Variants in SYCP1 observed in about 807,000 individuals in gnomAD.
SYCP1 encodes cancer/testis antigen 8.
SYCP1 carries 64 observed loss-of-function variants against 153.1 expected under a neutral mutation model. That is an observed-to-expected ratio of 0.42 (90% confidence interval 0.34 to 0.51). The LOEUF (loss-of-function observed/expected upper bound fraction) is 0.51, where lower values mean the gene tolerates loss of function less well. Among genes scored for constraint, SYCP1 ranks in the 20% least tolerant of loss-of-function variants. SYCP1 has a pLI of 0.06. For missense variants in SYCP1, 997 were observed against 1,049.0 expected (o/e 0.95, Z 0.68); for synonymous variants, 384 against 341.8 (o/e 1.12, Z -1.36).
intron 23 of SYCP1, among the ~76,000 whole-genome samples, chr1:114,932,401 A>C (rs1486032939): frequency 6.6e-6 from 1 of 152,228 alleles, no homozygotes; most frequent in African/African-American, 2.4e-5. Context: ...ACTGTAAAAT[A>C]AACTGGTTAA....
chr1:114,992,093 C>T (rs1278248691), intron 30 of SYCP1, among the ~76,000 whole-genome samples: 1 of 151,592 alleles, frequency 6.6e-6, no homozygotes, highest in Non-Finnish European at 1.5e-5. Flanking sequence ...ACAAATCTAA[C>T]CAAGGAAGTA....
intron 8 of SYCP1, among the ~76,000 whole-genome samples, chr1:114,868,650 G>A (rs1429099006): frequency 6.6e-6 from 1 of 152,152 alleles, no homozygotes; most frequent in Non-Finnish European, 1.5e-5. Flanking sequence ...TTAAATGTTT[G>A]TAGAATTCAC....
chr1:114,924,152 C>A (rs1222359156), intron 21 of SYCP1, among the ~76,000 whole-genome samples: 1 of 152,056 alleles, frequency 6.6e-6, no homozygotes, highest in Non-Finnish European at 1.5e-5. Context: ...TTTTATTGAG[C>A]AGGTGACACC....
rs377360670 is a variant in SYCP1 at position 114,914,040 on chromosome 1, A to G, written c.1713A>G (p.Gln571=). ...AAAATCTTCAAGAAACAGAAACCCA[A>G]TTAAGGCAAGACTAACAAATTGGCC... ...QIENLQETET[Q]LRNELEYVRE... Residue 571 remains glutamine (Q), a synonymous_variant, in exon 20 of 32, where the codon CAA becomes CAG. Transcript: ENST00000369522. The G allele has an allele frequency of 2.3e-4, 359 of 1,573,006 alleles. No homozygotes were observed. The highest frequency in any genetic ancestry group is 1.7e-3 in the Middle Eastern group (10 of 5,898).
chr1:114,855,424 C>A lies in SYCP1; in HGVS notation c.-24-17C>A, dbSNP rs1213756903. On this transcript the variant is annotated splice_polypyrimidine_tract_variant and intron_variant, in intron 1 of 31. Transcript: ENST00000369522. The stretch of plus-strand genomic sequence containing the variant: ...AAAAAAAACTTTCCTTCCCCTCCCG[C>A]CCCCCCGGGGCAGTAGATATTTACA... The A allele has an allele frequency of 0.012, 1 of 82 alleles. No homozygotes were observed. The highest frequency in any genetic ancestry group is 0.17 in the Admixed American group (1 of 6). The allele number at this position is 82 out of a possible 1,614,324, so 0.0% of individuals were successfully genotyped here. A position where few individuals can be genotyped will look rare whatever the true frequency, so the allele number is the denominator to read the frequency against.
At chr1:114,908,194 T>G (rs538632160) in intron 16 of SYCP1, among the ~76,000 whole-genome samples, 3 of 152,018 alleles carry the variant, frequency 2.0e-5, no homozygotes, top group Middle Eastern at 3.4e-3. Context: ...TTTTTTTTTT[T>G]TTGTTATAGG....
chr1:114,909,145 A>C (rs945793668), intron 16 of SYCP1, among the ~76,000 whole-genome samples: 5 of 152,132 alleles, frequency 3.3e-5, no homozygotes, highest in Non-Finnish European at 7.4e-5. Flanking sequence ...GTATTCATAC[A>C]TAGAATCAGG....
intron 5 of SYCP1, 51 bp downstream of exon 5, chr1:114,857,548 T>G: frequency 7.8e-7 from 1 of 1,279,430 alleles, no homozygotes; most frequent in Non-Finnish European, 1.1e-6. Flanking sequence ...GAATATAACT[T>G]ATTACCTATA....
intron 8 of SYCP1, chr1:114,863,028 G>A (rs774193159): frequency 7.9e-5 from 12 of 152,140 alleles, no homozygotes; most frequent in African/African-American, 2.7e-4. Context: ...TCTTTATCCA[G>A]TCTGTCATTG....
At chr1:114,857,167 G>GAAAAAAAAAAAGAAAAAAA in intron 3 of SYCP1, 65 bp from the exon 4 acceptor site, 2 of 558,546 alleles carry the variant, frequency 3.6e-6, no homozygotes, top group Admixed American at 4.7e-5. Context: ...AGAGAAAAAA[G>GAAAAAAAAAAAGAAAAAAA]AAAAAAAAAA....
At chr1:114,879,571 G>T (rs1475741706) in intron 12 of SYCP1, among the ~76,000 whole-genome samples, 2 of 152,166 alleles carry the variant, frequency 1.3e-5, no homozygotes, top group African/African-American at 4.8e-5. Context: ...ATTGAGGAGG[G>T]ATTGGGTCTT....
intron 27 of SYCP1, among the ~76,000 whole-genome samples, chr1:114,959,313 C>A (rs1671636281): frequency 6.6e-6 from 1 of 152,062 alleles, no homozygotes; most frequent in Non-Finnish European, 1.5e-5. Context: ...GGCAGAAATT[C>A]TACTTGGTCT....
At chr1:114,953,033 A>G (rs934640215) in intron 27 of SYCP1, among the ~76,000 whole-genome samples, 1 of 152,212 alleles carries the variant, frequency 6.6e-6, no homozygotes, top group Non-Finnish European at 1.5e-5. Flanking sequence ...ACCTGTCTTC[A>G]TATGGTGGAA....
At chr1:114,866,686 C>T (rs979718822) in intron 8 of SYCP1, among the ~76,000 whole-genome samples, 26 of 151,678 alleles carry the variant, frequency 1.7e-4, no homozygotes, top group Admixed American at 1.7e-3. Flanking sequence ...TTGACATTAT[C>T]TTTTGGAGAG....
At position 114,876,047 on chromosome 1, in the gene SYCP1, T is replaced by G. The variant is rs200198373; in HGVS notation, c.658-22T>G. On this transcript the variant is annotated intron_variant, in intron 9 of 31. Coordinates refer to ENST00000369522, the MANE Select transcript of SYCP1 (RefSeq NM_003176.4). The stretch of plus-strand genomic sequence containing the variant: ...GCTATTTAAAAAAATTTAAGTATGA[T>G]TCTTAAAACTTTATATTTCAGAAAA... The G allele has an allele frequency of 6.3e-5, 95 of 1,510,078 alleles. 1 individual carries two copies. In the South Asian group the frequency reaches 1.2e-3, roughly 19 times the overall value. The allele number at this position is 1,510,078 out of a possible 1,614,324, so 93.5% of individuals were successfully genotyped here.
chr1:114,978,029 T>A (rs1033834953), intron 28 of SYCP1, among the ~76,000 whole-genome samples: 7 of 151,704 alleles, frequency 4.6e-5, no homozygotes, highest in Non-Finnish European at 7.4e-5. Flanking sequence ...GCTTAATAAA[T>A]GACATCCTGT....
chr1:114,908,154 T>C (rs1667937552), intron 16 of SYCP1, among the ~76,000 whole-genome samples: 1 of 151,270 alleles, frequency 6.6e-6, no homozygotes, highest in Admixed American at 6.6e-5. Context: ...TTGAATATAT[T>C]ATTTATTTAC....
At chr1:114,954,090 T>C (rs1476384908) in intron 27 of SYCP1, among the ~76,000 whole-genome samples, 3 of 152,206 alleles carry the variant, frequency 2.0e-5, no homozygotes, top group African/African-American at 7.2e-5. Context: ...AATTGACAAA[T>C]AGTAATTGTG....
chr1:114,964,147 G>A (rs1671954675), intron 27 of SYCP1, among the ~76,000 whole-genome samples: 1 of 151,972 alleles, frequency 6.6e-6, no homozygotes, highest in Non-Finnish European at 1.5e-5. Context: ...TTTTTTTCAT[G>A]TTTGTTGGCT....
Sources: allele counts gnomAD v4.1 joint callset (sites outside exome capture counted in the v4.1 genomes callset), GRCh38; gene constraint gnomAD v4.1.1; transcripts MANE v1.5; gene names NCBI Gene and HGNC (gene_info 2026-07-23, HGNC 2026-07-21).